The following LMBR1L variants were observed in gnomAD, a reference collection of about 807,000 sequenced individuals.
The protein encoded by LMBR1L is limb development membrane protein 1 like, also known as protein LMBR1L.
Under a neutral mutation model 67.3 loss-of-function variants are expected in LMBR1L, and 47 were observed. The observed-to-expected ratio is 0.70, with a 90% CI of 0.55 to 0.89. The LOEUF (loss-of-function observed/expected upper bound fraction) is 0.89, where lower values mean the gene tolerates loss of function less well. LMBR1L is among the 40% of genes least tolerant of loss of function. LMBR1L has a pLI of 0.00. For synonymous variants in LMBR1L, 247 were observed against 250.3 expected, an observed-to-expected ratio of 0.99 and a Z score of 0.13; for missense variants, 533 against 599.2, an observed-to-expected ratio of 0.89 and a Z score of 1.15.
At position 49,110,534 on chromosome 12, in the gene LMBR1L, C is replaced by T. The variant is rs776665848; in HGVS notation, c.22G>A (p.Val8Met). 2 of 1,614,096 alleles carry T rather than the reference C, an allele frequency of 1.2e-6. No homozygotes were observed. Among genetic ancestry groups the T allele is most frequent in the South Asian group, 2.2e-5 (2 of 91,082 alleles). MEAPDYE[V>M]LSVREQLFHE... ...AATAGCTGTTCTCGCACGGATAGCA[C>T]TTCGTAGTCAGGTGCTTCCATACTC... The change falls in exon 1 of 17, where the codon GTG (valine) becomes ATG (methionine). Residue 8 changes from valine (V) to methionine (M), a missense_variant. By Grantham distance (21) the Val-to-Met change is conservative (BLOSUM62 1). Around this residue, in one of 3 missense-constraint regions of LMBR1L, gnomAD observed 246 missense variants for 249.0 expected, o/e 0.99. Coordinates refer to ENST00000267102, the MANE Select transcript of LMBR1L (RefSeq NM_018113.4).
intron 3 of LMBR1L, 83 bp from the exon 4 acceptor site, chr12:49,104,968 G>A (rs2279596): frequency 0.37 from 535,452 of 1,459,708 alleles, 103,092 homozygotes; most frequent in East Asian, 0.71. Flanking sequence ...TCCTGAGGGC[G>A]CCTGTGGCTT....
At position 49,102,459 on chromosome 12, in the gene LMBR1L, G is replaced by C. The variant is rs11168858; in HGVS notation, c.769+9C>G. Reference sequence around the variant, plus strand: ...CCTACCACCCCAGCAGGGAAGAACTGCAACTTACTACAGATCCTGCGGGTC... The same window carrying C: ...CCTACCACCCCAGCAGGGAAGAACTCCAACTTACTACAGATCCTGCGGGTC... On this transcript the variant is annotated intron_variant, in intron 9 of 16. Transcript: ENST00000267102. 9,806 of 1,614,102 alleles carry C rather than the reference G, an allele frequency of 6.1e-3. 519 individuals carry two copies. The African/African-American group carries it at 0.11, about 19-fold the overall frequency.
At chr12:49,108,010 ATC>A (rs1417855402) in intron 1 of LMBR1L, among the ~76,000 whole-genome samples, 1 of 152,132 alleles carries the variant, frequency 6.6e-6, no homozygotes, top group Non-Finnish European at 1.5e-5. Context: ...CACGCCTGTA[ATC>A]TCAGCACTTT....
In LMBR1L at chr12:49,101,439, C is replaced by T. The variant is rs374298163; in HGVS notation, c.1008+33G>A. 9.3e-6 allele frequency: 15 copies of T among 1,611,918 alleles called. No individual in the cohort carries two copies. The African/African-American group carries it at 1.3e-4, about 14-fold the overall frequency. On this transcript the variant is annotated intron_variant, in intron 12 of 16. Transcript: ENST00000267102. ...TCTCCCCAGCTGTTCTTAGGCCCTCCCCAAAGGATATGGTGGGAGGGCAGC... is the reference window on the plus strand; with the variant it reads ...TCTCCCCAGCTGTTCTTAGGCCCTCTCCAAAGGATATGGTGGGAGGGCAGC...
chr12:49,100,779 G>A (rs1238972325), intron 13 of LMBR1L, 133 bp from the exon 14 acceptor site: 3 of 689,980 alleles, frequency 4.3e-6, no homozygotes, highest in Non-Finnish European at 7.4e-6. Flanking sequence ...CCAGGCTGGA[G>A]TGCAGTGGTG....
intron 15 of LMBR1L, among the ~76,000 whole-genome samples, chr12:49,098,779 T>C (rs769226165): frequency 2.6e-5 from 4 of 152,084 alleles, no homozygotes; most frequent in Non-Finnish European, 5.9e-5. Flanking sequence ...GGAAATAATA[T>C]AACGTTAAGA....
chr12:49,110,782 T>C lies in LMBR1L; in HGVS notation c.-227A>G. 1.8e-6 allele frequency: 1 copy of C among 555,830 alleles called. No individual in the cohort carries two copies. The highest frequency in any genetic ancestry group is 3.1e-5 in the Admixed American group (1 of 32,102). 34.4% of individuals were successfully genotyped at this position (555,830 alleles called of 1,614,324 possible). On this transcript the variant is annotated 5_prime_UTR_variant, in exon 1 of 17. Transcript: ENST00000267102. ...TTAAAGGGCTCTGTCCTCCCTTTGC[T>C]CCCCACTCTTTAAGGTCGGGTCGCG...
At chr12:49,101,804 G>A (rs1940227395) in intron 11 of LMBR1L, 7 of 580,086 alleles carry the variant, frequency 1.2e-5, no homozygotes, top group South Asian at 1.1e-4. Flanking sequence ...TTCAACTGAT[G>A]AGATCTATAA....
At chr12:49,110,352 C>G in intron 1 of LMBR1L, 132 bp downstream of exon 1, 1 of 817,890 alleles carries the variant, frequency 1.2e-6, no homozygotes, top group Non-Finnish European at 2.1e-6. Flanking sequence ...CCCTTCTGCC[C>G]GGACGGAGGC....
Position 49,100,396 on chromosome 12 carries a change from C to T in LMBR1L, c.1232G>A (p.Arg411Gln), listed in dbSNP as rs541298805. 8.1e-6 allele frequency: 13 copies of T among 1,613,014 alleles called. No homozygotes were observed. The highest frequency in any genetic ancestry group is 4.5e-5 in the East Asian group (2 of 44,888). The change falls in exon 15 of 17, where the codon CGA becomes CAA. Residue 411 changes from arginine (R) to glutamine (Q), a missense_variant. Coordinates refer to ENST00000267102, the MANE Select transcript of LMBR1L (RefSeq NM_018113.4). ...CTCCTTTCAATACTTACCCAGGGTT[C>T]GAGAGAAGACAGGAAGTGCTGAGCT... ...VLSSALPVFS[R>Q]TLGLTRFDLL... is the part of the protein sequence containing the mutation.
intron 11 of LMBR1L, 126 bp from the exon 12 acceptor site, chr12:49,101,675 T>C (rs1409836498): frequency 1.3e-5 from 9 of 670,832 alleles, no homozygotes; most frequent in Non-Finnish European, 2.1e-5. Context: ...CAATGAGCTA[T>C]ATGGGACCTC....
chr12:49,098,654 C>CTCTGCTCTCCACCTTTAAATAT (rs1939716916), intron 15 of LMBR1L, among the ~76,000 whole-genome samples: 1 of 152,184 alleles, frequency 6.6e-6, no homozygotes, highest in African/African-American at 2.4e-5. Flanking sequence ...AATCAAAAAA[C>CTCTGCTCTCCACCTTTAAATAT]TCTGCTCTCC....
chr12:49,110,625 G>C lies in LMBR1L; in HGVS notation c.-70C>G. On this transcript the variant is annotated 5_prime_UTR_variant, in exon 1 of 17. Transcript: ENST00000267102. Reference sequence around the variant, plus strand: ...GAGGACGAGCGGGGAGGAAGCCGCCGCCGCCAAGCACCCAGACCCAGCCTA... The same window carrying C: ...GAGGACGAGCGGGGAGGAAGCCGCCCCCGCCAAGCACCCAGACCCAGCCTA... The C allele has an allele frequency of 7.1e-7, 1 of 1,412,160 alleles. No individual in the cohort carries two copies. The highest frequency in any genetic ancestry group is 2.3e-5 in the East Asian group (1 of 43,858). The allele number at this position is 1,412,160 out of a possible 1,614,324, so 87.5% of individuals were successfully genotyped here. A position where few individuals can be genotyped will look rare whatever the true frequency, so the allele number is the denominator to read the frequency against.
intron 1 of LMBR1L, chr12:49,109,755 G>T: frequency 2.2e-6 from 1 of 456,434 alleles, no homozygotes; most frequent in Non-Finnish European, 4.4e-6. Flanking sequence ...ACTTCTGTGC[G>T]CAAGGTTCAG....
chr12:49,100,788 T>A, intron 13 of LMBR1L, 142 bp from the exon 14 acceptor site: 1 of 669,044 alleles, frequency 1.5e-6, no homozygotes, highest in Non-Finnish European at 2.6e-6. Context: ...AGTGCAGTGG[T>A]GCGATTTCAG....
intron 13 of LMBR1L, 173 bp downstream of exon 13, chr12:49,101,077 T>G: frequency 7.2e-7 from 1 of 1,389,704 alleles, no homozygotes; most frequent in Non-Finnish European, 9.4e-7. Context: ...CAGCCCTCCT[T>G]TCAAATTAAG....
Position 49,100,657 on chromosome 12 carries a change from A to G in LMBR1L, c.1083-11T>C, listed in dbSNP as rs1284670249. 2.5e-6 allele frequency: 4 copies of G among 1,597,604 alleles called. No homozygotes were observed. The highest frequency in any genetic ancestry group is 3.4e-6 in the Non-Finnish European group (4 of 1,165,578). On this transcript the variant is annotated splice_polypyrimidine_tract_variant and intron_variant, in intron 13 of 16. Coordinates refer to ENST00000267102, the MANE Select transcript of LMBR1L (RefSeq NM_018113.4). Reference sequence around the variant, plus strand: ...GACACCATTAGGTAACTGCCACTGCATTAAGGAAGAACTGGCTGGCTCCAA... The same window carrying G: ...GACACCATTAGGTAACTGCCACTGCGTTAAGGAAGAACTGGCTGGCTCCAA...
rs768242268 is a variant in LMBR1L at position 49,101,283 on chromosome 12, G to A, written c.1049C>T (p.Ser350Phe). Reference sequence around the variant, plus strand: ...TACAACCTGAATGACGGCACCAAAGGAGCCCAGCTTGGAGAAGGAGACCTG... The same window carrying A: ...TACAACCTGAATGACGGCACCAAAGAAGCCCAGCTTGGAGAAGGAGACCTG... ...LGQVSFSKLG[S>F]FGAVIQVVLI... Residue 350 changes from serine to phenylalanine, a missense_variant, in exon 13 of 17, where the codon TCC (serine) becomes TTC (phenylalanine). Ser to Phe is a radical substitution (Grantham distance 155). This residue lies in a region of LMBR1L where 223 missense variants were observed against 241.2 expected (regional missense o/e 0.92). Transcript: ENST00000267102. 3.1e-6 allele frequency: 5 copies of A among 1,614,194 alleles called. No individual in the cohort carries two copies. The South Asian group carries it at 3.3e-5, about 11-fold the overall frequency.
Position 49,110,618 on chromosome 12 carries a change from A to AGCC in LMBR1L, c.-66_-64dup, listed in dbSNP as rs759164022. Reference sequence around the variant, plus strand: ...GCCCGGGGAGGACGAGCGGGGAGGAAGCCGCCGCCGCCAAGCACCCAGACC... The same window carrying AGCC: ...GCCCGGGGAGGACGAGCGGGGAGGAAGCCGCCGCCGCCGCCAAGCACCCAGACC... On this transcript the variant is annotated 5_prime_UTR_variant, in exon 1 of 17. Transcript: ENST00000267102. 9 of 1,485,390 alleles carry AGCC rather than the reference A, an allele frequency of 6.1e-6. No homozygotes were observed. Among genetic ancestry groups the AGCC allele is most frequent in the Admixed American group, 5.0e-5 (3 of 59,614 alleles). 92.0% of individuals were successfully genotyped at this position (1,485,390 alleles called of 1,614,324 possible). A position where few individuals can be genotyped will look rare whatever the true frequency, so the allele number is the denominator to read the frequency against.
Sources: gnomAD v4.1 joint callset for allele counts (sites outside exome capture counted in the v4.1 genomes callset) on GRCh38, gnomAD v4.1.1 for gene constraint, gnomAD v4.1.1 regional missense constraint, MANE v1.5 for transcripts, NCBI Gene and HGNC (gene_info 2026-07-23, HGNC 2026-07-21) for gene names.